RAB6A: variants seen among roughly 807,000 people sequenced by gnomAD.
RAB6A encodes ras-related protein Rab-6A.
Under a neutral mutation model 32.3 loss-of-function variants are expected in RAB6A, and 8 were observed. The ratio of observed to expected loss-of-function variants is 0.25; its 90% CI spans 0.15 to 0.45. RAB6A has a LOEUF of 0.45. Ranked by LOEUF, RAB6A falls within the 20% of genes least tolerant of loss-of-function variation. The pLI, the probability that RAB6A is intolerant of heterozygous loss-of-function variation, is 1.00. For missense variants in RAB6A, 104 were observed against 249.4 expected (o/e 0.42, Z 3.93); for synonymous variants, 73 against 82.1 (o/e 0.89, Z 0.60).
intron 6 of RAB6A, among the ~76,000 whole-genome samples, chr11:73,696,302 A>G (rs1057118485): frequency 6.6e-6 from 1 of 151,918 alleles, no homozygotes; most frequent in African/African-American, 2.4e-5. Context: ...GGTTCAGGCA[A>G]TTCTCCTGCC....
At chr11:73,719,740 C>G (rs1946107602) in intron 3 of RAB6A, among the ~76,000 whole-genome samples, 1 of 151,710 alleles carries the variant, frequency 6.6e-6, no homozygotes, top group African/African-American at 2.4e-5. Context: ...CTCAGCCTCC[C>G]GAGTAGCTGG....
chr11:73,684,444 C>T (rs1945409100), intron 6 of RAB6A, among the ~76,000 whole-genome samples: 2 of 152,228 alleles, frequency 1.3e-5, no homozygotes, highest in South Asian at 4.1e-4. Context: ...GCTGTGATTA[C>T]AGGCATGAGC....
At position 73,731,933 on chromosome 11, in the gene RAB6A, G is replaced by A. The variant is rs1049535470; in HGVS notation, c.71-1110C>T. 1.4e-4 allele frequency among the ~76,000 whole-genome samples: 21 copies of A among 150,644 alleles called. No individual in the cohort carries two copies. In the South Asian group the frequency reaches 3.0e-3, roughly 21 times the overall value. ...ATTTTTTGTTATTTTTAGTAGAGAT[G>A]GGGTTTCATCATGGCCAGGATGGTC... On this transcript the variant is annotated intron_variant, in intron 1 of 7. Transcript: ENST00000336083.
intron 1 of RAB6A, among the ~76,000 whole-genome samples, chr11:73,741,123 C>A (rs1022214114): frequency 3.3e-5 from 5 of 151,906 alleles, no homozygotes; most frequent in Admixed American, 6.6e-5. Context: ...ATTTACCTGA[C>A]AAAACAAAAT....
chr11:73,759,919 GCTACCCCTTTCACCCCCA>G, intron 1 of RAB6A: 2 of 761,170 alleles, frequency 2.6e-6, no homozygotes, highest in Admixed American at 2.8e-5. Flanking sequence ...CACTGCCGAC[GCTACCCCTTTCACCCCCA>G]ACCACCCCAT....
intron 1 of RAB6A, among the ~76,000 whole-genome samples, chr11:73,741,327 G>A (rs1030737883): frequency 2.0e-5 from 3 of 151,906 alleles, no homozygotes; most frequent in Non-Finnish European, 4.4e-5. Context: ...TAGTAGAGAC[G>A]GGGTTTCACC....
chr11:73,718,642 G>C lies in RAB6A; in HGVS notation c.260C>G (p.Thr87Ser), dbSNP rs767045108. 2 of 1,614,008 alleles carry C rather than the reference G, an allele frequency of 1.2e-6. No individual in the cohort carries two copies. Among genetic ancestry groups the C allele is most frequent in the Non-Finnish European group, 1.7e-6 (2 of 1,179,928 alleles). Residue 87 changes from threonine to serine, a missense_variant, in exon 4 of 8, where the codon ACT becomes AGT. By Grantham distance (58) the Thr-to-Ser change is moderately conservative. This residue lies in a region of RAB6A where 48 missense variants were observed against 155.2 expected (regional missense o/e 0.31). Coordinates refer to ENST00000336083, the MANE Select transcript of RAB6A (RefSeq NM_198896.2). The stretch of plus-strand genomic sequence containing the variant: ...GATATCATAAACAACAACTGCCACA[G>C]TGGAGTCACGAATGTAGCTAGGAAT... ...SLIPSYIRDS[T>S]VAVVVYDITN...
Position 73,739,304 on chromosome 11 carries a change from T to TATATATATATATATATATAA in RAB6A, c.71-8482_71-8481insTTATATATATATATATATAT, listed in dbSNP as rs375733945. ...AAAAAAATATATATATATATATATA[T>TATATATATATATATATATAA]AAATACTGGAACACCAAAGATAACT... On this transcript the variant is annotated intron_variant, in intron 1 of 7. Coordinates refer to ENST00000336083, the MANE Select transcript of RAB6A (RefSeq NM_198896.2). 2.3e-3 allele frequency among the ~76,000 whole-genome samples: 72 copies of TATATATATATATATATATAA among 31,776 alleles called. 6 individuals are homozygous for TATATATATATATATATATAA. Among genetic ancestry groups the TATATATATATATATATATAA allele is most frequent in the Non-Finnish European group, 4.2e-3 (57 of 13,412 alleles). The allele number at this position is 31,776 out of a possible 152,430, so 20.8% of individuals were successfully genotyped here. A position where few individuals can be genotyped will look rare whatever the true frequency, so the allele number is the denominator to read the frequency against.
rs1394239109 is a variant in RAB6A at position 73,679,638 on chromosome 11, G to A, written c.562+16C>T. 1 of 1,613,574 alleles carries A rather than the reference G, an allele frequency of 6.2e-7. No individual in the cohort carries two copies. The highest frequency in any genetic ancestry group is 2.2e-5 in the East Asian group (1 of 44,868). On this transcript the variant is annotated intron_variant, in intron 7 of 7. Coordinates refer to ENST00000336083, the MANE Select transcript of RAB6A (RefSeq NM_198896.2). Reference sequence around the variant, plus strand: ...GTGTTAATAATGAAAAATTTCCAATGAAATAAAAAGGATACTATCTTCTCT... The same window carrying A: ...GTGTTAATAATGAAAAATTTCCAATAAAATAAAAAGGATACTATCTTCTCT...
At chr11:73,760,321 C>T (rs1946824662) in intron 1 of RAB6A, among the ~76,000 whole-genome samples, 1 of 151,964 alleles carries the variant, frequency 6.6e-6, no homozygotes, top group Admixed American at 6.6e-5. Context: ...GCAGATCGAC[C>T]GGAGATGGCC....
intron 3 of RAB6A, chr11:73,718,967 G>A: frequency 7.6e-7 from 1 of 1,322,574 alleles, no homozygotes; most frequent in Non-Finnish European, 1.0e-6. Context: ...AATGTTTTTT[G>A]TAAAAGGGAG....
intron 1 of RAB6A, among the ~76,000 whole-genome samples, chr11:73,749,074 G>A (rs141152333): frequency 3.3e-5 from 5 of 152,036 alleles, no homozygotes; most frequent in East Asian, 3.9e-4. Flanking sequence ...GCAGTGAGCC[G>A]AGATCACGAC....
intron 6 of RAB6A, among the ~76,000 whole-genome samples, chr11:73,705,765 G>C (rs925286687): frequency 1.6e-5 from 1 of 62,270 alleles, no homozygotes; most frequent in Non-Finnish European, 3.3e-5. Context: ...ATATAATTCC[G>C]ATGAGAGAGA....
chr11:73,677,074 C>T lies in RAB6A; in HGVS notation c.*824G>A, dbSNP rs1945279373. 6.0e-6 allele frequency: 1 copy of T among 166,966 alleles called. No homozygotes were observed. The highest frequency in any genetic ancestry group is 6.5e-5 in the Admixed American group (1 of 15,286). The allele number at this position is 166,966 out of a possible 1,614,324, so 10.3% of individuals were successfully genotyped here. On this transcript the variant is annotated 3_prime_UTR_variant, in exon 8 of 8. Coordinates refer to ENST00000336083, the MANE Select transcript of RAB6A (RefSeq NM_198896.2). Reference sequence around the variant, plus strand: ...AGTTCATTAGAACTTCATTTTCTTACCGTGAAGAATTAAATACTAAAAACC... The same window carrying T: ...AGTTCATTAGAACTTCATTTTCTTATCGTGAAGAATTAAATACTAAAAACC...
At chr11:73,680,927 G>A (rs1945346741) in intron 6 of RAB6A, among the ~76,000 whole-genome samples, 1 of 152,088 alleles carries the variant, frequency 6.6e-6, no homozygotes, top group African/African-American at 2.4e-5. Flanking sequence ...ACTTTTGAGA[G>A]GCATATGAGA....
chr11:73,743,055 G>A (rs1302840630), intron 1 of RAB6A, among the ~76,000 whole-genome samples: 1 of 152,058 alleles, frequency 6.6e-6, no homozygotes, highest in African/African-American at 2.4e-5. Context: ...TGTAATCCCA[G>A]CACTTTGGGA....
chr11:73,736,498 A>C (rs1946395420), intron 1 of RAB6A, among the ~76,000 whole-genome samples: 1 of 151,316 alleles, frequency 6.6e-6, no homozygotes, highest in African/African-American at 2.4e-5. Flanking sequence ...AATTGAAAAC[A>C]AGTACAGTTG....
At chr11:73,696,795 A>G (rs1590836249) in intron 6 of RAB6A, among the ~76,000 whole-genome samples, 1 of 145,996 alleles carries the variant, frequency 6.8e-6, no homozygotes, top group Non-Finnish European at 1.5e-5. Flanking sequence ...GCAGACACAC[A>G]CTCTCCCTAT....
At chr11:73,720,427 C>T (rs2134950809) in intron 3 of RAB6A, among the ~76,000 whole-genome samples, 1 of 152,214 alleles carries the variant, frequency 6.6e-6, no homozygotes, top group African/African-American at 2.4e-5. Flanking sequence ...GATGATCCAC[C>T]TGCCTCAGCC....
Sources: gnomAD v4.1 joint callset for allele counts (sites outside exome capture counted in the v4.1 genomes callset) on GRCh38, gnomAD v4.1.1 for gene constraint, gnomAD v4.1.1 regional missense constraint, MANE v1.5 for transcripts, NCBI Gene and HGNC (gene_info 2026-07-23, HGNC 2026-07-21) for gene names.